STON2: variants seen among roughly 807,000 people sequenced by gnomAD.
The protein encoded by STON2 is stonin 2.
In STON2, 29 loss-of-function variants were observed where a neutral mutation model predicts 65.7. The observed-to-expected ratio is 0.44, with a 90% CI of 0.33 to 0.60. The LOEUF is 0.60. Ranked by LOEUF, STON2 falls within the 20% of genes least tolerant of loss-of-function variation. STON2 has a pLI of 0.03. For synonymous variants in STON2, 404 were observed against 414.2 expected (o/e 0.98, Z 0.30); for missense variants, 1,054 against 1,118.1 (o/e 0.94, Z 0.82).
In STON2 at chr14:81,413,353, C is replaced by A. The variant is rs983941031; in HGVS notation, c.-199+13749G>T. ...CTTGCTAAGGGAACACCTCGATGTT[C>A]GAACCTTTATTGTGTTTTATACAGG... is the stretch of plus-strand genomic sequence containing the variant. On this transcript the variant is annotated intron_variant, in intron 2 of 8. Transcript: ENST00000553821. The A allele has an allele frequency of 1.6e-5, 13 of 825,296 alleles. 1 individual carries two copies. Among genetic ancestry groups the A allele is most frequent in the Admixed American group, 2.9e-5 (1 of 34,584 alleles). 51.1% of individuals were successfully genotyped at this position (825,296 alleles called of 1,614,324 possible). A position where few individuals can be genotyped will look rare whatever the true frequency, so the allele number is the denominator to read the frequency against.
At chr14:81,359,938 G>A (rs1898415095) in intron 4 of STON2, among the ~76,000 whole-genome samples, 1 of 152,098 alleles carries the variant, frequency 6.6e-6, no homozygotes, top group African/African-American at 2.4e-5. Context: ...GCTGAAGTCT[G>A]CCATTAGCCA....
At chr14:81,400,775 T>C (rs1200004082), upstream of STON2, among the ~76,000 whole-genome samples, 1 of 152,196 alleles carries the variant, frequency 6.6e-6, no homozygotes, top group African/African-American at 2.4e-5. Context: ...GTTAGGTTGT[T>C]CGGATTTGAG....
At position 81,355,849 on chromosome 14, in the gene STON2, A is replaced by G. The variant is rs1407975073; in HGVS notation, c.571+15139T>C. ...ATAAGAATGCTTGTGATTTTTGTACATTGATTTTGTATCCTGAGACTTTGC... is the reference window on the plus strand; with the variant it reads ...ATAAGAATGCTTGTGATTTTTGTACGTTGATTTTGTATCCTGAGACTTTGC... On this transcript the variant is annotated intron_variant, in intron 4 of 7. Coordinates refer to ENST00000614646, the MANE Select transcript of STON2 (RefSeq NM_001394390.1). Among the ~76,000 whole-genome samples, 3 of 152,198 alleles carry G rather than the reference A, an allele frequency of 2.0e-5. No individual in the cohort carries two copies. The East Asian group carries it at 5.8e-4, about 29-fold the overall frequency.
chr14:81,420,362 T>A (rs1394150966), intron 2 of STON2, among the ~76,000 whole-genome samples: 1 of 152,210 alleles, frequency 6.6e-6, no homozygotes, highest in African/African-American at 2.4e-5. Context: ...GACTCTGGGT[T>A]ATTTATGCTC....
intron 4 of STON2, among the ~76,000 whole-genome samples, chr14:81,342,120 C>T (rs537296624): frequency 1.3e-5 from 2 of 152,078 alleles, no homozygotes; most frequent in Non-Finnish European, 2.9e-5. Flanking sequence ...TTCATAACAA[C>T]GCAGAAAGCC....
intron 3 of STON2, among the ~76,000 whole-genome samples, chr14:81,384,045 G>T (rs569279758): frequency 6.6e-6 from 1 of 151,860 alleles, no homozygotes; most frequent in African/African-American, 2.4e-5. Context: ...CCTTCCACAT[G>T]GAAGACTCCT....
At position 81,360,110 on chromosome 14, in the gene STON2, AAAG is replaced by A. The variant is rs1406801780; in HGVS notation, c.571+10875_571+10877del. On this transcript the variant is annotated intron_variant, in intron 4 of 7. Coordinates refer to ENST00000614646, the MANE Select transcript of STON2 (RefSeq NM_001394390.1). The stretch of plus-strand genomic sequence containing the variant: ...TGTCTTAAAAGAAATGTTTTTAAAT[AAAG>A]AAGAATTCCAATCCTCACAAACTCT... 7.2e-4 allele frequency among the ~76,000 whole-genome samples: 109 copies of A among 152,356 alleles called. 1 individual carries two copies. Among genetic ancestry groups the A allele is most frequent in the African/African-American group, 2.5e-3 (106 of 41,592 alleles).
At chr14:81,269,720 G>A in intron 7 of STON2, 2 of 985,086 alleles carry the variant, frequency 2.0e-6, no homozygotes, top group South Asian at 9.4e-5. Context: ...ATTATAAATA[G>A]AAAACCACTT....
chr14:81,314,642 T>G (rs1010831537), intron 5 of STON2, among the ~76,000 whole-genome samples: 1 of 152,198 alleles, frequency 6.6e-6, no homozygotes, highest in Non-Finnish European at 1.5e-5. Flanking sequence ...CAATTAGCCC[T>G]AAGCTCTGAT....
chr14:81,390,743 C>T lies in STON2; in HGVS notation c.373+5151G>A, dbSNP rs191693188. 2.6e-3 allele frequency among the ~76,000 whole-genome samples: 393 copies of T among 152,298 alleles called. 4 individuals carry two copies. The highest frequency in any genetic ancestry group is 2.1e-3 in the Non-Finnish European group (141 of 68,022). On this transcript the variant is annotated intron_variant, in intron 3 of 7. Coordinates refer to ENST00000614646, the MANE Select transcript of STON2 (RefSeq NM_001394390.1). ...TTCCTATGGCTGCTGTAACAAATTA[C>T]CACAAACTTGGTATCTCAAAACAAC...
At chr14:81,287,754 A>G (rs1307508679) in intron 5 of STON2, among the ~76,000 whole-genome samples, 1 of 152,112 alleles carries the variant, frequency 6.6e-6, no homozygotes, top group Non-Finnish European at 1.5e-5. Context: ...CTGTTTTACC[A>G]TTGCCCACTT....
At chr14:81,305,859 C>T (rs7153097) in intron 5 of STON2, among the ~76,000 whole-genome samples, 119,689 of 151,996 alleles carry the variant, frequency 0.79, 47,269 homozygotes, top group African/African-American at 0.8. Flanking sequence ...CATGCTAACC[C>T]AAATCAATGC....
intron 5 of STON2, among the ~76,000 whole-genome samples, chr14:81,317,136 G>A (rs1186855837): frequency 2.0e-5 from 3 of 152,212 alleles, no homozygotes; most frequent in African/African-American, 4.8e-5. Flanking sequence ...TACTCAGGGT[G>A]GGAAGGTGAA....
rs1029456247 is a variant in STON2, at chr14:81,262,417, G to C, written c.*5997C>G. 9 of 983,260 alleles carry C rather than the reference G, an allele frequency of 9.2e-6. No individual in the cohort carries two copies. The highest frequency in any genetic ancestry group is 1.1e-5 in the Non-Finnish European group (9 of 829,020). The allele number at this position is 983,260 out of a possible 1,614,324, so 60.9% of individuals were successfully genotyped here. A position where few individuals can be genotyped will look rare whatever the true frequency, so the allele number is the denominator to read the frequency against. On this transcript the variant is annotated 3_prime_UTR_variant, in exon 8 of 8. Coordinates refer to ENST00000614646, the MANE Select transcript of STON2 (RefSeq NM_001394390.1). ...ATATTTGTTGAGTTGAATTAATCCT[G>C]CCATCTATCCCTTTTTACTATGCAA...
chr14:81,264,954 A>T lies in STON2; in HGVS notation c.*3460T>A, dbSNP rs1394923483. ...AAAAAGCAGGCCCTAGACTCAAAAG[A>T]AAGCACAGCTCTTGATACCACGTGA... On this transcript the variant is annotated 3_prime_UTR_variant, in exon 8 of 8. Coordinates refer to ENST00000614646, the MANE Select transcript of STON2 (RefSeq NM_001394390.1). 1.0e-6 allele frequency: 1 copy of T among 985,302 alleles called. No individual in the cohort carries two copies. The highest frequency in any genetic ancestry group is 1.2e-6 in the Non-Finnish European group (1 of 829,932). 61.0% of individuals were successfully genotyped at this position (985,302 alleles called of 1,614,324 possible).
At chr14:81,322,521 G>A (rs1290918006) in intron 5 of STON2, among the ~76,000 whole-genome samples, 2 of 152,010 alleles carry the variant, frequency 1.3e-5, no homozygotes, top group Admixed American at 6.6e-5. Flanking sequence ...CTATGCTTTC[G>A]ATTAATCAGC....
chr14:81,423,299 T>C (rs1273497734), intron 2 of STON2, among the ~76,000 whole-genome samples: 1 of 152,182 alleles, frequency 6.6e-6, no homozygotes, highest in Non-Finnish European at 1.5e-5. Flanking sequence ...TCTCTGAATC[T>C]CTTTGAGTTA....
At chr14:81,317,474 T>C (rs923364020) in intron 5 of STON2, among the ~76,000 whole-genome samples, 2 of 152,252 alleles carry the variant, frequency 1.3e-5, no homozygotes, top group Non-Finnish European at 2.9e-5. Flanking sequence ...TTCTTCTTAG[T>C]GTCACCATAA....
chr14:81,400,018 C>T (rs1303000437), intron 1 of STON2, among the ~76,000 whole-genome samples: 1 of 152,114 alleles, frequency 6.6e-6, no homozygotes, highest in Admixed American at 6.6e-5. Flanking sequence ...GTGTCACAGC[C>T]GCAAAGAAGT....
Sources: gnomAD v4.1 joint callset for allele counts (sites outside exome capture counted in the v4.1 genomes callset) on GRCh38, gnomAD v4.1.1 for gene constraint, MANE v1.5 for transcripts, NCBI Gene and HGNC (gene_info 2026-07-23, HGNC 2026-07-21) for gene names.